The following GPHN variants were observed in gnomAD, a reference collection of about 807,000 sequenced individuals.
The protein encoded by GPHN is gephyrin.
GPHN carries 17 observed loss-of-function variants against 95.5 expected under a neutral mutation model. The ratio of observed to expected loss-of-function variants is 0.18; its 90% CI spans 0.12 to 0.27. The LOEUF is 0.27. GPHN is among the 10% of genes least tolerant of loss of function. The pLI is 1.00. For missense variants in GPHN, 660 were observed against 978.1 expected (o/e 0.67, Z 4.34); for synonymous variants, 320 against 322.5 (o/e 0.99, Z 0.08).
chr14:66,680,498 G>C (rs910505573), intron 1 of GPHN, among the ~76,000 whole-genome samples: 11 of 152,084 alleles, frequency 7.2e-5, no homozygotes, highest in African/African-American at 2.7e-4. Context: ...GGAGAAAACT[G>C]TCTGTAATTT....
chr14:67,709,909 G>A, the GPHN span, among the ~76,000 whole-genome samples: 1 of 152,280 alleles, frequency 6.6e-6, no homozygotes, highest in South Asian at 2.1e-4. Flanking sequence ...GGGCAAACCT[G>A]CCTTCCATTC....
chr14:67,483,727 C>A, the GPHN span, among the ~76,000 whole-genome samples: 5 of 152,362 alleles, frequency 3.3e-5, no homozygotes, highest in African/African-American at 1.2e-4. Flanking sequence ...GGCCCCCTGA[C>A]TGCCAGCCCA....
At chr14:66,619,958 G>T (rs8015958) in intron 1 of GPHN, among the ~76,000 whole-genome samples, 47,197 of 152,020 alleles carry the variant, frequency 0.31, 11,177 homozygotes, top group African/African-American at 0.64. Flanking sequence ...TACGGGCCAG[G>T]TTAGGAGATG....
chr14:67,291,773 A>G, the GPHN span, among the ~76,000 whole-genome samples: 23,574 of 152,186 alleles, frequency 0.15, 3,442 homozygotes, highest in East Asian at 0.42. Flanking sequence ...ATAAACCTCA[A>G]CTTCCTTACT....
chr14:66,578,218 A>C (rs1249828639), intron 1 of GPHN, among the ~76,000 whole-genome samples: 2 of 151,478 alleles, frequency 1.3e-5, no homozygotes, highest in African/African-American at 4.8e-5. Flanking sequence ...GATCAAGCAG[A>C]AGAAAGGATC....
the GPHN span, chr14:67,646,842 AC>A: frequency 7.2e-7 from 1 of 1,389,226 alleles, no homozygotes; most frequent in Non-Finnish European, 1.0e-6. Context: ...ACTACAACAA[AC>A]CCACCCTCTC....
chr14:67,468,826 C>T, the GPHN span, among the ~76,000 whole-genome samples: 2 of 151,934 alleles, frequency 1.3e-5, no homozygotes, highest in African/African-American at 2.4e-5. Context: ...ACCTGGGAGG[C>T]GGAGGTTGCA....
chr14:67,322,846 G>C, the GPHN span, among the ~76,000 whole-genome samples: 11 of 152,188 alleles, frequency 7.2e-5, no homozygotes, highest in African/African-American at 2.7e-4. Context: ...GATAGAGCGT[G>C]TCAGTTTGAG....
At chr14:66,794,875 A>AG (rs1446236376) in intron 3 of GPHN, among the ~76,000 whole-genome samples, 1 of 151,792 alleles carries the variant, frequency 6.6e-6, no homozygotes, top group African/African-American at 2.4e-5. Flanking sequence ...TTTCAGTTAG[A>AG]GAGGTATACA....
chr14:66,809,741 T>C (rs76905485), intron 3 of GPHN, among the ~76,000 whole-genome samples: 1,912 of 152,298 alleles, frequency 0.013, 19 homozygotes, highest in Non-Finnish European at 0.018. Context: ...CTGGTACTAT[T>C]CACTTAACTG....
At chr14:66,592,801 A>G (rs9728227) in intron 1 of GPHN, among the ~76,000 whole-genome samples, 2,019 of 152,348 alleles carry the variant, frequency 0.013, 24 homozygotes, top group Non-Finnish European at 0.018. Context: ...ATTACTGGGT[A>G]TATACCCAAA....
At chr14:67,573,846 C>T in the GPHN span, 81 of 1,613,628 alleles carry the variant, frequency 5.0e-5, no homozygotes, top group East Asian at 4.0e-4. The surrounding 1 kb of genome is among the most constrained non-coding windows in gnomAD (Gnocchi z 4.8). Context: ...TCTGAACTCC[C>T]GCTGCCAAAT....
chr14:67,298,209 T>C, the GPHN span, among the ~76,000 whole-genome samples: 2 of 152,202 alleles, frequency 1.3e-5, no homozygotes, highest in African/African-American at 4.8e-5. Context: ...TTAAAAAGGA[T>C]ATTTAGTGAC....
intron 5 of GPHN, among the ~76,000 whole-genome samples, chr14:66,882,590 A>G (rs555301789): frequency 2.7e-4 from 41 of 151,844 alleles, no homozygotes; most frequent in African/African-American, 9.2e-4. Context: ...TCATTTTCTC[A>G]TCTATATAAT....
chr14:67,126,466 AGT>A (rs2079323592), intron 17 of GPHN, among the ~76,000 whole-genome samples: 1 of 152,232 alleles, frequency 6.6e-6, no homozygotes, highest in African/African-American at 2.4e-5. Context: ...AGGAAAAGAG[AGT>A]GTGTTAATCC....
the GPHN span, among the ~76,000 whole-genome samples, chr14:67,357,667 A>G: frequency 6.6e-6 from 1 of 152,214 alleles, no homozygotes; most frequent in Non-Finnish European, 1.5e-5. Context: ...TATTCAGTAA[A>G]CCACTGATAG....
chr14:66,592,681 G>A (rs11919526), intron 1 of GPHN, among the ~76,000 whole-genome samples: 1 of 152,134 alleles, frequency 6.6e-6, no homozygotes, highest in Non-Finnish European at 1.5e-5. Flanking sequence ...GGAACAATAG[G>A]ACCACTTTTA....
intron 8 of GPHN, among the ~76,000 whole-genome samples, chr14:66,932,904 C>T (rs1032439218): frequency 3.3e-5 from 5 of 152,066 alleles, no homozygotes; most frequent in African/African-American, 9.7e-5. Context: ...ACAACTAATA[C>T]CATTCTAGAT....
At chr14:67,103,758 A>G (rs1331007386) in intron 13 of GPHN, among the ~76,000 whole-genome samples, 1 of 151,944 alleles carries the variant, frequency 6.6e-6, no homozygotes, top group Non-Finnish European at 1.5e-5. Flanking sequence ...TATCAGTTGT[A>G]AGAGTTTTTG....
Sources: gnomAD v4.1 joint callset for allele counts (sites outside exome capture counted in the v4.1 genomes callset) on GRCh38, gnomAD v4.1.1 for gene constraint, Gnocchi (gnomAD v3.1) non-coding constraint, MANE v1.5 for transcripts, NCBI Gene and HGNC (gene_info 2026-07-23, HGNC 2026-07-21) for gene names.